The following HOMER3 variants were observed in gnomAD, a reference collection of about 807,000 sequenced individuals.
HOMER3 encodes the protein homer scaffold protein 3, also known as homer protein homolog 3.
A neutral mutation model predicts 45.5 loss-of-function variants in HOMER3; 34 were observed. That is an observed-to-expected ratio of 0.75 (90% CI 0.57 to 1.00). The LOEUF is 1.00. HOMER3 is among the 50% of genes least tolerant of loss of function. The pLI is 0.00. For synonymous variants in HOMER3, 223 were observed against 208.8 expected (o/e 1.07, Z -0.58); for missense variants, 480 against 497.5 (o/e 0.96, Z 0.33).
chr19:18,931,686 C>A, intron 7 of HOMER3, 61 bp from the exon 8 acceptor site: 1 of 1,528,216 alleles, frequency 6.5e-7, no homozygotes, highest in Non-Finnish European at 8.8e-7. Flanking sequence ...GCTCGCCCAA[C>A]CTCTAGGGAA....
At chr19:18,938,116 C>T (rs942013877) in intron 4 of HOMER3, among the ~76,000 whole-genome samples, 9 of 151,752 alleles carry the variant, frequency 5.9e-5, no homozygotes, top group Admixed American at 2.0e-4. Flanking sequence ...CGCTTGAACC[C>T]GGGAGGCGGA....
Position 18,929,288 on chromosome 19 carries a change from C to T in HOMER3, c.*155G>A, listed in dbSNP as rs763333732. On this transcript the variant is annotated 3_prime_UTR_variant, in exon 10 of 10. Coordinates refer to ENST00000392351, the MANE Select transcript of HOMER3 (RefSeq NM_004838.4). ...GCCCCAAAGCTGCCAACAACCAGAG[C>T]CGACTGGGGCCCACCCCAGCCCAGC... 3.6e-6 allele frequency: 3 copies of T among 824,384 alleles called. No individual in the cohort carries two copies. In the African/African-American group the frequency reaches 5.0e-5, roughly 14 times the overall value. 51.1% of individuals were successfully genotyped at this position (824,384 alleles called of 1,614,324 possible).
chr19:18,940,078 G>A (rs1204559652), intron 1 of HOMER3: 2 of 152,790 alleles, frequency 1.3e-5, no homozygotes, highest in South Asian at 2.1e-4. Flanking sequence ...GGAGGCCCTG[G>A]CCCAGCGGCC....
In HOMER3 at chr19:18,931,633, G is replaced by A. The variant is rs1006639848; in HGVS notation, c.691-8C>T. 4 of 1,589,936 alleles carry A rather than the reference G, an allele frequency of 2.5e-6. No individual in the cohort carries two copies. The African/African-American group carries it at 5.4e-5, about 21-fold the overall frequency. On this transcript the variant is annotated splice_polypyrimidine_tract_variant and splice_region_variant and intron_variant, in intron 7 of 9. Transcript: ENST00000392351. ...AGCCTCCAGCTCAGCCACCTGTAGG[G>A]CAGGAATAGCAGCCCCTGACGCCCC...
chr19:18,930,014 CG>C (rs2057013294), intron 9 of HOMER3, among the ~76,000 whole-genome samples: 1 of 151,970 alleles, frequency 6.6e-6, no homozygotes, highest in African/African-American at 2.4e-5. Flanking sequence ...CTTTGGGAGG[CG>C]GAGGCAGGTG....
chr19:18,934,276 A>C, intron 5 of HOMER3, 27 bp downstream of exon 5: 1 of 1,314,328 alleles, frequency 7.6e-7, no homozygotes, highest in Non-Finnish European at 1.0e-6. Flanking sequence ...GTGCCCAGGC[A>C]GGCATAGGGG....
chr19:18,938,425 G>A lies in HOMER3; in HGVS notation c.231C>T (p.Phe77=), dbSNP rs760404254. The change falls in exon 4 of 10, where the codon TTC becomes TTT. Residue 77 remains phenylalanine (F), a synonymous_variant. Coordinates refer to ENST00000392351, the MANE Select transcript of HOMER3 (RefSeq NM_004838.4). ...TGGCGCGACTGTCGGCCCACTGCCC[G>A]AACTTCTGGGAAGTTTTGGTGAAGG... is the stretch of plus-strand genomic sequence containing the variant. ...NMTFTKTSQK[F]GQWADSRANT... is the part of the protein sequence containing the mutation. The A allele has an allele frequency of 1.4e-5, 23 of 1,614,002 alleles. No individual in the cohort carries two copies. The highest frequency in any genetic ancestry group is 6.7e-5 in the Admixed American group (4 of 60,004).
At chr19:18,929,657 G>A in intron 9 of HOMER3, 23 bp from the exon 10 acceptor site, 2 of 1,370,630 alleles carry the variant, frequency 1.5e-6, no homozygotes, top group Non-Finnish European at 2.0e-6. Context: ...GGTGGGCAGG[G>A]TTGGGGGCCC....
intron 7 of HOMER3, 75 bp downstream of exon 7, chr19:18,931,901 T>C: frequency 6.9e-7 from 1 of 1,447,508 alleles, no homozygotes; most frequent in Non-Finnish European, 9.1e-7. Flanking sequence ...CCAGGGCAGA[T>C]GGGAACTGCC....
intron 3 of HOMER3, 50 bp downstream of exon 3, chr19:18,938,678 T>C: frequency 1.9e-6 from 3 of 1,561,188 alleles, no homozygotes. Flanking sequence ...AGACCCAAGG[T>C]TGTCACCAGG....
Position 18,939,060 on chromosome 19 carries a change from A to C in HOMER3, c.-67-11T>G, listed in dbSNP as rs374227320. The stretch of plus-strand genomic sequence containing the variant: ...GCACTGGTTTGGCCCCTAGGGAGAG[A>C]GGAGGGACTATGAGTGTCCCTCAGG... On this transcript the variant is annotated splice_polypyrimidine_tract_variant and intron_variant, in intron 1 of 9. Transcript: ENST00000392351. The C allele has an allele frequency of 5.6e-5, 80 of 1,419,156 alleles. No individual in the cohort carries two copies. The African/African-American group carries it at 8.3e-4, about 15-fold the overall frequency. 87.9% of individuals were successfully genotyped at this position (1,419,156 alleles called of 1,614,324 possible). A position where few individuals can be genotyped will look rare whatever the true frequency, so the allele number is the denominator to read the frequency against.
At chr19:18,936,641 G>GT (rs1276512853) in intron 4 of HOMER3, among the ~76,000 whole-genome samples, 5 of 149,738 alleles carry the variant, frequency 3.3e-5, no homozygotes. Flanking sequence ...ACTCCAGCCT[G>GT]GCAACAGAGC....
Position 18,931,378 on chromosome 19 carries a change from GC to G in HOMER3, c.840del (p.Arg282AlafsTer65). The G allele has an allele frequency of 1.9e-6, 3 of 1,614,126 alleles. No homozygotes were observed. Among genetic ancestry groups the G allele is most frequent in the Non-Finnish European group, 2.5e-6 (3 of 1,180,016 alleles). ...EIQTLKSQTG[G>X]PREALEAAER... Reference sequence around the variant, plus strand: ...TCGGCAGCCTCCAGGGCCTCGCGGGGCCCCCCAGTCTGACTCTTCAGGGTCT... The same window carrying G: ...TCGGCAGCCTCCAGGGCCTCGCGGGGCCCCCAGTCTGACTCTTCAGGGTCT... On this transcript the variant is annotated frameshift_variant, in exon 9 of 10. Coordinates refer to ENST00000392351, the MANE Select transcript of HOMER3 (RefSeq NM_004838.4). LOFTEE classifies it high-confidence loss of function.
At position 18,929,531 on chromosome 19, in the gene HOMER3, C is replaced by T; in HGVS notation, c.998G>A (p.Gly333Asp). Residue 333 changes from glycine to aspartate, a missense_variant, in exon 10 of 10, where the codon GGC (glycine) becomes GAC (aspartate). Physicochemically the swap from Gly to Asp is moderately conservative, Grantham distance 94. Transcript: ENST00000392351. ...AERERARAEV[G>D]RAAQLLDVSL... ...GACGTCCAGCAGCTGCGCTGCCCGGCCCACCTCAGCCCGCGCCCGCTCCCG... is the reference window on the plus strand; with the variant it reads ...GACGTCCAGCAGCTGCGCTGCCCGGTCCACCTCAGCCCGCGCCCGCTCCCG... The T allele has an allele frequency of 6.4e-7, 1 of 1,563,446 alleles. No homozygotes were observed. The highest frequency in any genetic ancestry group is 1.9e-5 in the Admixed American group (1 of 53,734).
At position 18,932,004 on chromosome 19, in the gene HOMER3, CG is replaced by C. The variant is rs2057038684; in HGVS notation, c.661del (p.Arg221ValfsTer22). ...CTGCCGCAGCCGCTCGGCCTCTGCA[CG>C]CTGAGCCTCCAGCTGCTGCCTCCAC... ...AQWRQQLEAQRAEAERLRQRV... is the reference protein window; with the variant it reads ...AQWRQQLEAQXAEAERLRQRV... On this transcript the variant is annotated frameshift_variant, in exon 7 of 10. Coordinates refer to ENST00000392351, the MANE Select transcript of HOMER3 (RefSeq NM_004838.4). LOFTEE classifies it high-confidence loss of function. The C allele has an allele frequency of 1.3e-6, 2 of 1,545,630 alleles. No individual in the cohort carries two copies. Among genetic ancestry groups the C allele is most frequent in the Non-Finnish European group, 1.7e-6 (2 of 1,145,780 alleles).
At chr19:18,940,456 G>A (rs3787043) in intron 1 of HOMER3, 3 of 152,322 alleles carry the variant, frequency 2.0e-5, no homozygotes, top group Non-Finnish European at 4.4e-5. Flanking sequence ...GGGGACGGGG[G>A]GGTTAATATT....
In HOMER3 at chr19:18,933,057, G is replaced by C. The variant is rs766239160; in HGVS notation, c.412-12C>G. 2.7e-6 allele frequency: 4 copies of C among 1,487,324 alleles called. No homozygotes were observed. In the South Asian group the frequency reaches 5.5e-5, roughly 20 times the overall value. The allele number at this position is 1,487,324 out of a possible 1,614,324, so 92.1% of individuals were successfully genotyped here. A position where few individuals can be genotyped will look rare whatever the true frequency, so the allele number is the denominator to read the frequency against. On this transcript the variant is annotated splice_polypyrimidine_tract_variant and intron_variant, in intron 5 of 9. Coordinates refer to ENST00000392351, the MANE Select transcript of HOMER3 (RefSeq NM_004838.4). ...GGGCTCGGGGGCACCTAGGCACGGG[G>C]AAAAGAATAGGTCACGACCCCACAT...
At chr19:18,930,776 G>A (rs1176052501) in intron 9 of HOMER3, among the ~76,000 whole-genome samples, 2 of 152,102 alleles carry the variant, frequency 1.3e-5, no homozygotes, top group South Asian at 2.1e-4. Context: ...TTGGGAGGCC[G>A]AGGCGGGCAA....
chr19:18,929,405 T>C lies in HOMER3; in HGVS notation c.*38A>G. 1 of 1,576,680 alleles carries C rather than the reference T, an allele frequency of 6.3e-7. No homozygotes were observed. The highest frequency in any genetic ancestry group is 1.1e-5 in the South Asian group (1 of 89,366). On this transcript the variant is annotated 3_prime_UTR_variant, in exon 10 of 10. Transcript: ENST00000392351. ...TATGCCGCCTGCAGCCTGGCCCGCA[T>C]CCCAGGCCGGAATCGTTCATAGAAA... is the stretch of plus-strand genomic sequence containing the variant.
Sources: allele counts gnomAD v4.1 joint callset (sites outside exome capture counted in the v4.1 genomes callset), GRCh38; gene constraint gnomAD v4.1.1; transcripts MANE v1.5; gene names NCBI Gene and HGNC (gene_info 2026-07-23, HGNC 2026-07-21).